The following TMEM132B variants were observed in gnomAD, a reference collection of about 807,000 sequenced individuals.
TMEM132B encodes transmembrane protein 132B.
In TMEM132B, 18 loss-of-function variants were observed where a neutral mutation model predicts 90.8. The ratio of observed to expected loss-of-function variants is 0.20; its 90% CI spans 0.14 to 0.29. TMEM132B has a LOEUF of 0.29. TMEM132B is among the 10% of genes least tolerant of loss of function. The pLI, the probability that TMEM132B is intolerant of heterozygous loss-of-function variation, is 1.00. For missense variants in TMEM132B, 1,096 were observed against 1,326.8 expected (o/e 0.83, Z 2.70); for synonymous variants, 504 against 523.3 (o/e 0.96, Z 0.50).
At chr12:125,520,333 C>T (rs1883276263) in intron 4 of TMEM132B, among the ~76,000 whole-genome samples, 1 of 152,194 alleles carries the variant, frequency 6.6e-6, no homozygotes, top group Non-Finnish European at 1.5e-5. Context: ...AAATGTTCAA[C>T]CATTTTCTGC....
chr12:125,526,201 T>G (rs1883454866), intron 4 of TMEM132B, among the ~76,000 whole-genome samples: 1 of 152,124 alleles, frequency 6.6e-6, no homozygotes, highest in South Asian at 2.1e-4. Flanking sequence ...CCACTGTAAA[T>G]CCCCTCTGGC....
intron 3 of TMEM132B, among the ~76,000 whole-genome samples, chr12:125,506,178 ACCC>A (rs1246668112): frequency 6.6e-6 from 1 of 152,216 alleles, no homozygotes; most frequent in African/African-American, 2.4e-5. Flanking sequence ...ACAGAATCCT[ACCC>A]AGTTATAGAA....
At chr12:125,650,566 G>T (rs952042521) in intron 6 of TMEM132B, 117 bp from the exon 7 acceptor site, 35 of 1,210,690 alleles carry the variant, frequency 2.9e-5, no homozygotes, top group Non-Finnish European at 3.7e-5. Flanking sequence ...AGCAGGTCCT[G>T]CAGGAGAAGG....
At chr12:125,474,141 G>A (rs1169623650) in intron 3 of TMEM132B, among the ~76,000 whole-genome samples, 3 of 134,648 alleles carry the variant, frequency 2.2e-5, no homozygotes, top group African/African-American at 5.8e-5. Flanking sequence ...TCTCTCTCTC[G>A]CCTTCCTGCC....
intron 4 of TMEM132B, among the ~76,000 whole-genome samples, chr12:125,537,814 A>G (rs1883848595): frequency 6.6e-6 from 1 of 152,058 alleles, no homozygotes; most frequent in Non-Finnish European, 1.5e-5. Context: ...GGCTTCAAAT[A>G]TCTGCTTTGC....
rs191233860 is a variant in TMEM132B at position 125,201,656 on chromosome 12, G to C, written c.67+14790G>C. ...CCACTGGCTAGCTCTGTGACCCTGG[G>C]TGAATTACTTAATGTCTCTGTGCCA... is the stretch of plus-strand genomic sequence containing the variant. On this transcript the variant is annotated intron_variant, in intron 1 of 8. Coordinates refer to ENST00000682704, the MANE Select transcript of TMEM132B (RefSeq NM_001366854.1). Among the ~76,000 whole-genome samples, 31 of 152,360 alleles carry C rather than the reference G, an allele frequency of 2.0e-4. No individual in the cohort carries two copies. In the East Asian group the frequency reaches 6.0e-3, roughly 29 times the overall value.
At chr12:125,191,587 G>C (rs1872795119) in intron 1 of TMEM132B, among the ~76,000 whole-genome samples, 1 of 152,164 alleles carries the variant, frequency 6.6e-6, no homozygotes, top group Admixed American at 6.5e-5. Context: ...AAGCTCCTTT[G>C]ATGTGCTAGC....
chr12:125,494,930 C>T lies in TMEM132B; in HGVS notation c.1107-24509C>T, dbSNP rs1395141858. Reference sequence around the variant, plus strand: ...CCCTCCTCCCTGGAAATGGGTGCGTCCCTCTTCCCCCTCTTCCCTGAAAAT... The same window carrying T: ...CCCTCCTCCCTGGAAATGGGTGCGTTCCTCTTCCCCCTCTTCCCTGAAAAT... On this transcript the variant is annotated intron_variant, in intron 3 of 8. Coordinates refer to ENST00000682704, the MANE Select transcript of TMEM132B (RefSeq NM_001366854.1). Among the ~76,000 whole-genome samples the T allele has an allele frequency of 1.5e-5, 2 of 130,578 alleles. 1 individual carries two copies. The highest frequency in any genetic ancestry group is 6.0e-5 in the African/African-American group (2 of 33,580). The allele number at this position is 130,578 out of a possible 152,430, so 85.7% of individuals were successfully genotyped here. A position where few individuals can be genotyped will look rare whatever the true frequency, so the allele number is the denominator to read the frequency against.
intron 3 of TMEM132B, among the ~76,000 whole-genome samples, chr12:125,416,419 G>A (rs1414455620): frequency 4.6e-5 from 7 of 152,212 alleles, no homozygotes; most frequent in Admixed American, 1.3e-4. Flanking sequence ...GAGGGGGCTC[G>A]GACTCCTCAG....
intron 6 of TMEM132B, among the ~76,000 whole-genome samples, chr12:125,650,110 C>A (rs1454600024): frequency 1.3e-5 from 2 of 152,008 alleles, no homozygotes; most frequent in Admixed American, 1.3e-4. Flanking sequence ...ATGAGGAGGT[C>A]GGGTGTTAGA....
At chr12:125,567,075 C>T (rs1475136370) in intron 4 of TMEM132B, among the ~76,000 whole-genome samples, 1 of 152,056 alleles carries the variant, frequency 6.6e-6, no homozygotes, top group Non-Finnish European at 1.5e-5. Context: ...AATGACTAAC[C>T]TCAGGTGATC....
chr12:125,461,596 G>T (rs1278074816), intron 3 of TMEM132B, among the ~76,000 whole-genome samples: 9 of 152,226 alleles, frequency 5.9e-5, no homozygotes, highest in Non-Finnish European at 4.4e-5. Context: ...CTCAATTTTT[G>T]AATGTTGACA....
At chr12:125,552,149 A>G (rs780891525) in intron 4 of TMEM132B, among the ~76,000 whole-genome samples, 2 of 152,246 alleles carry the variant, frequency 1.3e-5, no homozygotes, top group Non-Finnish European at 2.9e-5. Context: ...TTCTTCACAG[A>G]TGAACATGAG....
intron 1 of TMEM132B, among the ~76,000 whole-genome samples, chr12:125,315,230 G>A (rs1013632506): frequency 1.4e-4 from 21 of 152,214 alleles, no homozygotes; most frequent in African/African-American, 5.1e-4. Context: ...ACAGGGTCTC[G>A]CTCTGTCACT....
chr12:125,350,289 C>T lies in TMEM132B; in HGVS notation c.905C>T (p.Ala302Val), dbSNP rs777945122. ...AATCTAGTCCGGGAAGGGGACACGG[C>T]CACCTTTTTGGTCTCTCTGACCAGT... ...PLNLVREGDT[A>V]TFLVSLTSSS... Residue 302 changes from alanine (A) to valine (V), a missense_variant, in exon 2 of 9, where the codon GCC (alanine) becomes GTC (valine). Physicochemically the swap from Ala to Val is moderately conservative, Grantham distance 64 (BLOSUM62 0). Coordinates refer to ENST00000682704, the MANE Select transcript of TMEM132B (RefSeq NM_001366854.1). The T allele has an allele frequency of 6.2e-7, 1 of 1,613,838 alleles. No individual in the cohort carries two copies. The highest frequency in any genetic ancestry group is 1.1e-5 in the South Asian group (1 of 91,070).
chr12:125,331,194 A>C (rs917367986), intron 1 of TMEM132B, among the ~76,000 whole-genome samples: 6 of 152,230 alleles, frequency 3.9e-5, no homozygotes, highest in African/African-American at 1.4e-4. Flanking sequence ...GGGTGGGCTC[A>C]GTCCGGGCTC....
At chr12:125,293,184 C>T (rs1175714652) in intron 1 of TMEM132B, among the ~76,000 whole-genome samples, 1 of 152,244 alleles carries the variant, frequency 6.6e-6, no homozygotes, top group Admixed American at 6.5e-5. Context: ...CACAATTTGT[C>T]AGACTCCCTG....
At chr12:125,583,388 T>C (rs949835983) in intron 4 of TMEM132B, among the ~76,000 whole-genome samples, 2 of 152,190 alleles carry the variant, frequency 1.3e-5, no homozygotes, top group African/African-American at 4.8e-5. Flanking sequence ...CAACTTGTGC[T>C]CTTCTGTTGT....
chr12:125,385,173 AAGATTGTTTTCTTTGATGT>A, intron 2 of TMEM132B, among the ~76,000 whole-genome samples: 1 of 152,344 alleles, frequency 6.6e-6, no homozygotes, highest in East Asian at 1.9e-4. Context: ...AAAATTAGGC[AAGATTGTTTTCTTTGATGT>A]AGATTGTTTT....
Sources: gnomAD v4.1 joint callset for allele counts (sites outside exome capture counted in the v4.1 genomes callset) on GRCh38, gnomAD v4.1.1 for gene constraint, MANE v1.5 for transcripts, NCBI Gene and HGNC (gene_info 2026-07-23, HGNC 2026-07-21) for gene names.